The following KIAA1958 variants were observed in gnomAD, a reference collection of about 807,000 sequenced individuals.
KIAA1958 encodes uncharacterized protein KIAA1958.
KIAA1958 carries 14 observed loss-of-function variants against 47.2 expected under a neutral mutation model. The ratio of observed to expected loss-of-function variants is 0.30; its 90% confidence interval spans 0.20 to 0.46. The LOEUF is 0.46. KIAA1958 is among the 20% of genes least tolerant of loss of function. KIAA1958 has a pLI of 1.00. For synonymous variants in KIAA1958, 354 were observed against 353.3 expected (o/e 1.00, Z -0.02); for missense variants, 803 against 909.2 (o/e 0.88, Z 1.50).
At chr9:112,650,909 A>G (rs544302101) in intron 3 of KIAA1958, among the ~76,000 whole-genome samples, 51 of 152,376 alleles carry the variant, frequency 3.3e-4, no homozygotes, top group African/African-American at 1.1e-3. Flanking sequence ...CACACAAGGT[A>G]GAATTCCACA....
At chr9:112,603,363 C>G (rs1836168305) in intron 2 of KIAA1958, among the ~76,000 whole-genome samples, 2 of 152,142 alleles carry the variant, frequency 1.3e-5, no homozygotes, top group South Asian at 4.1e-4. Flanking sequence ...TCCCCTACCC[C>G]AAAATCAGGA....
chr9:112,591,143 GTGCCACCT>G (rs1835912339), intron 2 of KIAA1958, among the ~76,000 whole-genome samples: 1 of 152,134 alleles, frequency 6.6e-6, no homozygotes, highest in Non-Finnish European at 1.5e-5. Flanking sequence ...GAGTGCTGTG[GTGCCACCT>G]CGGCTCACTG....
At chr9:112,640,794 A>T (rs1470175355) in intron 2 of KIAA1958, among the ~76,000 whole-genome samples, 1 of 152,214 alleles carries the variant, frequency 6.6e-6, no homozygotes, top group Non-Finnish European at 1.5e-5. Context: ...GAAGAGTATA[A>T]TACCAGCGAC....
intron 2 of KIAA1958, among the ~76,000 whole-genome samples, chr9:112,576,059 T>G (rs1421002899): frequency 6.6e-6 from 1 of 152,228 alleles, no homozygotes; most frequent in South Asian, 2.1e-4. Context: ...GTGGCATGTT[T>G]TAGTTTATTT....
chr9:112,659,693 AGCCCTACTTT>A lies in KIAA1958; in HGVS notation c.1780_1789del (p.Tyr594GlyfsTer58), dbSNP rs1759819893. The stretch of plus-strand genomic sequence containing the variant: ...GAGCTGCTCAAAGACCCCCAAAACC[AGCCCTACTTT>A]GCCCGGACGGACAGCGTCAAGCGGG... On this transcript the variant is annotated frameshift_variant, in exon 4 of 4. Transcript: ENST00000337530. LOFTEE classifies it high-confidence loss of function. 1.2e-6 allele frequency: 2 copies of A among 1,614,066 alleles called. No individual in the cohort carries two copies. The highest frequency in any genetic ancestry group is 2.7e-5 in the African/African-American group (2 of 74,922).
intron 2 of KIAA1958, among the ~76,000 whole-genome samples, chr9:112,582,923 G>A (rs191588145): frequency 2.0e-5 from 3 of 152,266 alleles, no homozygotes. Context: ...CATGTTTATT[G>A]AATGAATCTC....
chr9:112,587,219 G>A (rs6477958), intron 2 of KIAA1958, among the ~76,000 whole-genome samples: 79,245 of 151,898 alleles, frequency 0.52, 20,657 homozygotes, highest in South Asian at 0.57. Flanking sequence ...GCGCGATCTC[G>A]ACTCACTGCA....
intron 2 of KIAA1958, among the ~76,000 whole-genome samples, chr9:112,633,491 A>G (rs1836745804): frequency 1.3e-5 from 2 of 152,146 alleles, no homozygotes; most frequent in African/African-American, 4.8e-5. Flanking sequence ...TTATTGAATT[A>G]TACAATACTT....
rs758068064 is a variant in KIAA1958 at position 112,574,217 on chromosome 9, C to T, written c.137C>T (p.Ala46Val). 1.2e-6 allele frequency: 2 copies of T among 1,614,136 alleles called. No homozygotes were observed. The highest frequency in any genetic ancestry group is 2.2e-5 in the South Asian group (2 of 91,072). Residue 46 changes from alanine (A) to valine (V), a missense_variant, in exon 2 of 4, where the codon GCA (alanine) becomes GTA (valine). Ala to Val is a moderately conservative substitution (Grantham distance 64). Around this residue, in one of 2 missense-constraint regions of KIAA1958, gnomAD observed 42 missense variants for 79.9 expected, o/e 0.53. Transcript: ENST00000337530. ...GAAGGTTCCCATGGGAACCTGACAG[C>T]AATGTGGGGCTGTAGTGCTGGCCAT... ...LSEGSHGNLT[A>V]MWGCSAGHAY...
At chr9:112,497,482 C>G (rs978681705) in intron 1 of KIAA1958, among the ~76,000 whole-genome samples, 1 of 152,174 alleles carries the variant, frequency 6.6e-6, no homozygotes, top group African/African-American at 2.4e-5. Context: ...CCTGCCAACA[C>G]TTTGATCTTA....
At chr9:112,623,681 A>T (rs1358281809) in intron 2 of KIAA1958, among the ~76,000 whole-genome samples, 1 of 152,208 alleles carries the variant, frequency 6.6e-6, no homozygotes, top group African/African-American at 2.4e-5. Context: ...ACTCTAAAAA[A>T]CACCTAACTT....
chr9:112,589,999 C>T (rs559434001), intron 2 of KIAA1958, among the ~76,000 whole-genome samples: 39 of 152,262 alleles, frequency 2.6e-4, no homozygotes, highest in South Asian at 4.1e-4. Flanking sequence ...TCCCTGAGCC[C>T]GGAGCCTTTC....
intron 2 of KIAA1958, among the ~76,000 whole-genome samples, chr9:112,608,804 T>C (rs1275584577): frequency 6.6e-6 from 1 of 151,504 alleles, no homozygotes; most frequent in Non-Finnish European, 1.5e-5. Context: ...CTCAGGAGGC[T>C]GAGGCAGGAA....
chr9:112,640,788 A>C (rs1836877474), intron 2 of KIAA1958, among the ~76,000 whole-genome samples: 1 of 152,220 alleles, frequency 6.6e-6, no homozygotes, highest in African/African-American at 2.4e-5. Context: ...CAGGAAGAAG[A>C]GTATAATACC....
intron 3 of KIAA1958, among the ~76,000 whole-genome samples, chr9:112,649,219 C>T (rs150608167): frequency 5.9e-4 from 89 of 152,058 alleles, no homozygotes; most frequent in African/African-American, 2.1e-3. Context: ...GAAGTGCAGT[C>T]CAGTCATAGT....
intron 1 of KIAA1958, among the ~76,000 whole-genome samples, chr9:112,552,876 G>A (rs561408955): frequency 5.3e-5 from 8 of 152,278 alleles, no homozygotes; most frequent in Admixed American, 5.2e-4. Flanking sequence ...AGTTGGCATG[G>A]AGCTGTATGC....
At chr9:112,565,926 C>T (rs916804974) in intron 1 of KIAA1958, among the ~76,000 whole-genome samples, 13 of 152,078 alleles carry the variant, frequency 8.5e-5, no homozygotes, top group East Asian at 3.9e-4. Context: ...TTATTTGAGA[C>T]GGAGTCTCGC....
chr9:112,579,451 C>T (rs569812009), intron 2 of KIAA1958, among the ~76,000 whole-genome samples: 46 of 151,926 alleles, frequency 3.0e-4, no homozygotes, highest in Middle Eastern at 3.4e-3. Flanking sequence ...TGGGGTAGAA[C>T]CTCATGTTAC....
intron 2 of KIAA1958, among the ~76,000 whole-genome samples, chr9:112,615,998 A>G (rs1262165227): frequency 6.6e-6 from 1 of 152,264 alleles, no homozygotes; most frequent in African/African-American, 2.4e-5. Context: ...GTTTGAAGTT[A>G]GAAGACTGCT....
Sources: allele counts gnomAD v4.1 joint callset (sites outside exome capture counted in the v4.1 genomes callset), GRCh38; gene constraint gnomAD v4.1.1; regional missense constraint gnomAD v4.1.1; transcripts MANE v1.5; gene names NCBI Gene and HGNC (gene_info 2026-07-23, HGNC 2026-07-21).